Variants in CACNA1A observed in about 807,000 individuals in gnomAD.
CACNA1A encodes voltage-dependent P/Q-type calcium channel subunit alpha-1A.
In CACNA1A, 57 loss-of-function variants were observed where a neutral mutation model predicts 262.4. The ratio of observed to expected loss-of-function variants is 0.22; its 90% CI spans 0.18 to 0.27. The LOEUF (loss-of-function observed/expected upper bound fraction) is 0.27. Ranked by LOEUF, CACNA1A falls within the 10% of genes least tolerant of loss-of-function variation. The probability of loss-of-function intolerance (pLI) is 1.00; values close to 1 mark genes in which losing one functional copy is unlikely to be tolerated. For missense variants in CACNA1A, 2,526 were observed against 3,562.8 expected, an observed-to-expected ratio of 0.71 and a Z score of 7.41; for synonymous variants, 1,431 against 1,419.3, an observed-to-expected ratio of 1.01 and a Z score of -0.18.
chr19:13,441,649 G>A (rs1338814820), intron 3 of CACNA1A, among the ~76,000 whole-genome samples: 3 of 143,856 alleles, frequency 2.1e-5, no homozygotes, highest in Non-Finnish European at 1.5e-5. Flanking sequence ...GGGCAACAGA[G>A]CAAGACCCTG....
In CACNA1A at chr19:13,224,176, T is replaced by G. The variant is rs1232118323; in HGVS notation, c.5731+491A>C. Among the ~76,000 whole-genome samples, 4 of 151,304 alleles carry G rather than the reference T, an allele frequency of 2.6e-5. No individual in the cohort carries two copies. In the East Asian group the frequency reaches 7.8e-4, roughly 30 times the overall value. On this transcript the variant is annotated intron_variant, in intron 38 of 46. Coordinates refer to ENST00000360228, the MANE Select transcript of CACNA1A (RefSeq NM_001127222.2). ...CATCTCTACCCAAAATATAAAAAATTAGCCGGGTGTGCTGGTGGGTACCTA... is the reference window on the plus strand; with the variant it reads ...CATCTCTACCCAAAATATAAAAAATGAGCCGGGTGTGCTGGTGGGTACCTA...
Position 13,212,069 on chromosome 19 carries a change from G to T in CACNA1A, c.6303+34C>A. 6.8e-7 allele frequency: 1 copy of T among 1,480,778 alleles called. No homozygotes were observed. The highest frequency in any genetic ancestry group is 9.4e-7 in the Non-Finnish European group (1 of 1,064,370). 91.7% of individuals were successfully genotyped at this position (1,480,778 alleles called of 1,614,324 possible). ...TGGCCCTACCCAGTGCAGAGTGAGG[G>T]GTCCAGCCCCAGGGCAGTGGTGAAA... On this transcript the variant is annotated intron_variant, in intron 43 of 46. Transcript: ENST00000360228. The surrounding 1 kb of genome is among the most constrained non-coding windows in gnomAD (Gnocchi z 5.6).
chr19:13,436,566 CTCATTCATTCACTCAT>C (rs1393586265), intron 3 of CACNA1A, among the ~76,000 whole-genome samples: 1 of 152,100 alleles, frequency 6.6e-6, no homozygotes, highest in Non-Finnish European at 1.5e-5. Flanking sequence ...CATCCACTCA[CTCATTCATTCACTCAT>C]TCATTCATTC....
chr19:13,325,407 A>G (rs1488417293), intron 10 of CACNA1A, among the ~76,000 whole-genome samples: 1 of 151,820 alleles, frequency 6.6e-6, no homozygotes, highest in Non-Finnish European at 1.5e-5. Context: ...CTTCCAAAAC[A>G]TTGGGATTAT....
rs774593050 is a variant in CACNA1A at position 13,286,948 on chromosome 19, C to A, written c.3108G>T (p.Gly1036=). The change falls in exon 20 of 47, where the codon GGG becomes GGT. Residue 1036 remains glycine (G), a synonymous_variant. Transcript: ENST00000360228. ...ACAGGTTGGGGCCCGACACAGGGAC[C>A]CCGGAGCCCTGGTTCTCTCTGAGGA... ...HRRRKENQGS[G]VPVSGPNLST... 6.2e-7 allele frequency: 1 copy of A among 1,601,960 alleles called. No individual in the cohort carries two copies. Among genetic ancestry groups the A allele is most frequent in the Admixed American group, 1.7e-5 (1 of 58,540 alleles).
chr19:13,246,221 C>G (rs1266936228), intron 30 of CACNA1A, among the ~76,000 whole-genome samples: 7 of 152,176 alleles, frequency 4.6e-5, no homozygotes, highest in Non-Finnish European at 1.0e-4. Flanking sequence ...TGGAGGCGGA[C>G]AGTAACAGGG....
At chr19:13,335,720 G>T in intron 7 of CACNA1A, 86 bp downstream of exon 7, 1 of 896,408 alleles carries the variant, frequency 1.1e-6, no homozygotes, top group South Asian at 1.4e-5. Flanking sequence ...TCTAGTGAAT[G>T]AAAACAAAGC....
At chr19:13,473,130 G>C (rs943235696) in intron 1 of CACNA1A, among the ~76,000 whole-genome samples, 4 of 152,008 alleles carry the variant, frequency 2.6e-5, no homozygotes, top group Non-Finnish European at 5.9e-5. Flanking sequence ...GTGCACGCCT[G>C]TAAGTCCCAG....
chr19:13,336,028 G>A (rs1040569580), intron 6 of CACNA1A, 119 bp from the exon 7 acceptor site: 6 of 613,550 alleles, frequency 9.8e-6, no homozygotes, highest in Middle Eastern at 4.1e-4. Context: ...TTCTTGGCTT[G>A]TGGAGTTCTG....
intron 3 of CACNA1A, among the ~76,000 whole-genome samples, chr19:13,379,384 A>T (rs1309211989): frequency 1.3e-5 from 2 of 152,152 alleles, no homozygotes; most frequent in Non-Finnish European, 2.9e-5. Flanking sequence ...GGGAAACCAA[A>T]AAAGGCACGA....
chr19:13,345,002 G>A (rs915162414), intron 6 of CACNA1A, among the ~76,000 whole-genome samples: 17 of 151,832 alleles, frequency 1.1e-4, no homozygotes, highest in Admixed American at 3.9e-4. Flanking sequence ...CAAGCAATCC[G>A]CCCTCCTCAG....
At chr19:13,461,340 A>AAAAACAAAAC (rs59561044) in intron 1 of CACNA1A, among the ~76,000 whole-genome samples, 9,530 of 148,134 alleles carry the variant, frequency 0.064, 457 homozygotes, top group East Asian at 0.22. Flanking sequence ...ACTCCGTCTC[A>AAAAACAAAAC]AAAACAAAAC....
intron 1 of CACNA1A, among the ~76,000 whole-genome samples, chr19:13,457,048 G>A (rs926793123): frequency 6.6e-5 from 10 of 151,820 alleles, no homozygotes; most frequent in African/African-American, 2.2e-4. Context: ...ACAGGAGTCC[G>A]AGACCAGCCT....
chr19:13,222,603 C>G (rs565786142), intron 38 of CACNA1A, among the ~76,000 whole-genome samples: 31 of 151,870 alleles, frequency 2.0e-4, no homozygotes, highest in East Asian at 1.9e-4. Context: ...CACCGTGTTA[C>G]CCAGGATGGT....
At chr19:13,294,848 C>T (rs1000383152) in intron 19 of CACNA1A, among the ~76,000 whole-genome samples, 3 of 152,076 alleles carry the variant, frequency 2.0e-5, no homozygotes, top group Non-Finnish European at 4.4e-5. Context: ...CACTTTATTC[C>T]ACCTAAACTC....
At chr19:13,481,977 G>A (rs1487631026) in intron 1 of CACNA1A, among the ~76,000 whole-genome samples, 2 of 152,018 alleles carry the variant, frequency 1.3e-5, no homozygotes, top group Middle Eastern at 3.2e-3. Flanking sequence ...TCATCTCCTG[G>A]AGAAGACAGC....
At chr19:13,376,276 T>C (rs1479990656) in intron 3 of CACNA1A, among the ~76,000 whole-genome samples, 1 of 152,154 alleles carries the variant, frequency 6.6e-6, no homozygotes, top group African/African-American at 2.4e-5. Flanking sequence ...AGGACTTTCA[T>C]AGCTAGAGAG....
chr19:13,240,001 A>G (rs1290844016), intron 31 of CACNA1A, among the ~76,000 whole-genome samples: 1 of 152,016 alleles, frequency 6.6e-6, no homozygotes, highest in Non-Finnish European at 1.5e-5. Flanking sequence ...AAATACAAGA[A>G]GTGGCCTGGC....
At chr19:13,296,090 C>T (rs2057660828) in intron 19 of CACNA1A, among the ~76,000 whole-genome samples, 1 of 152,214 alleles carries the variant, frequency 6.6e-6, no homozygotes, top group South Asian at 2.1e-4. Context: ...AATTACTTCA[C>T]TATGTCCTCC....
Sources: allele counts gnomAD v4.1 joint callset (sites outside exome capture counted in the v4.1 genomes callset), GRCh38; gene constraint gnomAD v4.1.1; non-coding constraint Gnocchi (gnomAD v3.1); transcripts MANE v1.5; gene names NCBI Gene and HGNC (gene_info 2026-07-23, HGNC 2026-07-21).